The following HELZ variants were observed in gnomAD, a reference collection of about 807,000 sequenced individuals.
HELZ encodes the protein ATP-dependent RNA helicase with zinc finger domain.
Under a neutral mutation model 218.2 loss-of-function variants are expected in HELZ, and 23 were observed. The observed-to-expected ratio is 0.11, with a 90% confidence interval of 0.08 to 0.15. HELZ has a LOEUF of 0.15. Ranked by LOEUF, HELZ falls within the 10% of genes least tolerant of loss-of-function variation. HELZ has a pLI of 1.00. For missense variants in HELZ, 1,813 were observed against 2,353.7 expected (o/e 0.77, Z 4.75); for synonymous variants, 814 against 829.4 (o/e 0.98, Z 0.32).
chr17:67,133,673 C>T (rs546366179), intron 23 of HELZ, among the ~76,000 whole-genome samples: 18 of 152,228 alleles, frequency 1.2e-4, no homozygotes, highest in African/African-American at 4.3e-4. Flanking sequence ...TGCCACCACA[C>T]GCAGCTAAAG....
chr17:67,210,314 C>T (rs2040418423), intron 5 of HELZ, among the ~76,000 whole-genome samples: 2 of 152,188 alleles, frequency 1.3e-5, no homozygotes, highest in Non-Finnish European at 2.9e-5. Flanking sequence ...CAACCAATCG[C>T]CTATCAATTT....
intron 31 of HELZ, among the ~76,000 whole-genome samples, chr17:67,099,176 T>C (rs2036844514): frequency 6.6e-6 from 1 of 152,230 alleles, no homozygotes; most frequent in South Asian, 2.1e-4. Flanking sequence ...TTCTTATTTC[T>C]TGACTTTGTT....
intron 19 of HELZ, among the ~76,000 whole-genome samples, 157 bp downstream of exon 19, chr17:67,149,710 A>G (rs2038615281): frequency 6.6e-6 from 1 of 152,254 alleles, no homozygotes; most frequent in Non-Finnish European, 1.5e-5. Context: ...ATTTTTCTTC[A>G]GAAATAACAG....
Position 67,167,446 on chromosome 17 carries a change from G to A in HELZ, c.1764+17C>T. The A allele has an allele frequency of 1.3e-6, 2 of 1,570,966 alleles. No homozygotes were observed. Among genetic ancestry groups the A allele is most frequent in the South Asian group, 1.1e-5 (1 of 89,156 alleles). ...GGCTACAGACCACTATGGTTAAGCT[G>A]CAACCTTCAAACATACCTGTGTGTC... is the stretch of plus-strand genomic sequence containing the variant. On this transcript the variant is annotated intron_variant, in intron 14 of 32. Transcript: ENST00000358691.
intron 31 of HELZ, among the ~76,000 whole-genome samples, chr17:67,087,990 T>G (rs2036445706): frequency 6.6e-6 from 1 of 152,194 alleles, no homozygotes; most frequent in Non-Finnish European, 1.5e-5. Context: ...CTCTGACTTT[T>G]ATTGGCAGTG....
rs1332335754 is a variant in HELZ at position 67,178,815 on chromosome 17, T to C, written c.1274A>G (p.Glu425Gly). ...DFEPNETTDL[E>G]KSLLIRYQIP... ...TTGGTATCTGATAAGAAGGCTCTTC[T>C]CCAAATCAGTAGTTTCATTAGGTTC... The change falls in exon 13 of 33, where the codon GAG becomes GGG. Residue 425 changes from glutamate (E) to glycine (G), a missense_variant. Around this residue, in one of 4 missense-constraint regions of HELZ, gnomAD observed 714 missense variants for 1,029.2 expected, o/e 0.69. Transcript: ENST00000358691. 1.2e-6 allele frequency: 2 copies of C among 1,613,898 alleles called. No individual in the cohort carries two copies. Among genetic ancestry groups the C allele is most frequent in the Admixed American group, 1.7e-5 (1 of 60,022 alleles).
At position 67,186,044 on chromosome 17, in the gene HELZ, G is replaced by A. The variant is rs150885306; in HGVS notation, c.1162+2275C>T. Among the ~76,000 whole-genome samples the A allele has an allele frequency of 3.9e-5, 6 of 152,110 alleles. No individual in the cohort carries two copies. The East Asian group carries it at 1.2e-3, about 29-fold the overall frequency. Reference sequence around the variant, plus strand: ...ACTACGCTTTCAACTCCTACAATGTGTTCTCTTGCCAACATCTGCAGGCAC... The same window carrying A: ...ACTACGCTTTCAACTCCTACAATGTATTCTCTTGCCAACATCTGCAGGCAC... On this transcript the variant is annotated intron_variant, in intron 12 of 32. Coordinates refer to ENST00000358691, the MANE Select transcript of HELZ (RefSeq NM_014877.4).
chr17:67,094,322 GAA>G (rs538000680), intron 31 of HELZ, among the ~76,000 whole-genome samples: 2 of 121,686 alleles, frequency 1.6e-5, no homozygotes. Flanking sequence ...ACCTGGTCTT[GAA>G]AAAAAAAAAA....
chr17:67,195,233 T>C (rs1196850668), intron 8 of HELZ, among the ~76,000 whole-genome samples, 186 bp downstream of exon 8: 5 of 152,206 alleles, frequency 3.3e-5, no homozygotes, highest in Non-Finnish European at 5.9e-5. Flanking sequence ...TACTCCATTA[T>C]TCTATGAAAA....
intron 5 of HELZ, among the ~76,000 whole-genome samples, chr17:67,208,125 G>A (rs922313159): frequency 2.6e-5 from 4 of 152,154 alleles, no homozygotes; most frequent in Admixed American, 2.0e-4. Flanking sequence ...GCAAAATTAG[G>A]GAGATGAAGA....
intron 31 of HELZ, among the ~76,000 whole-genome samples, chr17:67,101,998 G>A (rs558768167): frequency 5.3e-5 from 8 of 152,324 alleles, no homozygotes; most frequent in Admixed American, 3.9e-4. Context: ...TGTAAGGACC[G>A]GAAGTGGGAA....
chr17:67,223,735 G>A (rs1046562382), intron 3 of HELZ, among the ~76,000 whole-genome samples: 1 of 152,094 alleles, frequency 6.6e-6, no homozygotes, highest in Non-Finnish European at 1.5e-5. Context: ...CTGGGCGACA[G>A]AGCAAGACTC....
chr17:67,109,108 G>A lies in HELZ; in HGVS notation c.4489+8C>T. 1.3e-6 allele frequency: 2 copies of A among 1,586,226 alleles called. No homozygotes were observed. Among genetic ancestry groups the A allele is most frequent in the South Asian group, 1.1e-5 (1 of 88,098 alleles). ...TGAATTTTCACATCTGGCAGTAATA[G>A]AACTTACCTAAAGCCTCCCCTATAG... On this transcript the variant is annotated splice_region_variant and intron_variant, in intron 29 of 32. Transcript: ENST00000358691.
intron 30 of HELZ, among the ~76,000 whole-genome samples, chr17:67,107,969 A>ATGG (rs1267045345): frequency 6.6e-6 from 1 of 152,192 alleles, no homozygotes; most frequent in African/African-American, 2.4e-5. Flanking sequence ...GGTCACCATG[A>ATGG]TGGTGGACCT....
intron 24 of HELZ, among the ~76,000 whole-genome samples, chr17:67,127,930 G>A (rs1374881249): frequency 6.6e-6 from 1 of 151,784 alleles, no homozygotes; most frequent in African/African-American, 2.4e-5. Context: ...ATATGCTGAT[G>A]ATTATAAATA....
intron 9 of HELZ, among the ~76,000 whole-genome samples, chr17:67,192,845 T>C (rs2039932005): frequency 6.6e-6 from 1 of 152,238 alleles, no homozygotes; most frequent in Non-Finnish European, 1.5e-5. Flanking sequence ...AATCATTCCT[T>C]CCACATTAAT....
At chr17:67,171,831 T>C (rs929640954) in intron 13 of HELZ, among the ~76,000 whole-genome samples, 1 of 148,028 alleles carries the variant, frequency 6.8e-6, no homozygotes, top group Non-Finnish European at 1.5e-5. Context: ...TCTTTTGTTT[T>C]GTTTTGTTTT....
chr17:67,245,247 G>C (rs1324321514), upstream of HELZ: 20 of 967,984 alleles, frequency 2.1e-5, no homozygotes, highest in Non-Finnish European at 2.3e-5. Context: ...CCCGGCCCCC[G>C]ACTCCCGCCT....
At chr17:67,089,668 T>TATATATATATATAGAGAG (rs71293575) in intron 31 of HELZ, among the ~76,000 whole-genome samples, 28 of 70,638 alleles carry the variant, frequency 4.0e-4, no homozygotes, top group African/African-American at 1.3e-3. Flanking sequence ...TATATATATA[T>TATATATATATATAGAGAG]AGAGAGAGAG....
Sources: gnomAD v4.1 joint callset for allele counts (sites outside exome capture counted in the v4.1 genomes callset) on GRCh38, gnomAD v4.1.1 for gene constraint, gnomAD v4.1.1 regional missense constraint, MANE v1.5 for transcripts, NCBI Gene and HGNC (gene_info 2026-07-23, HGNC 2026-07-21) for gene names.